The following NTM variants were observed in gnomAD, a reference collection of about 807,000 sequenced individuals.
The protein encoded by NTM is neurotrimin.
NTM carries 13 observed loss-of-function variants against 42.1 expected under a neutral mutation model. The observed-to-expected ratio is 0.31, with a 90% CI of 0.20 to 0.49. The LOEUF (loss-of-function observed/expected upper bound fraction) is 0.49. NTM is among the 20% of genes least tolerant of loss of function. NTM has a pLI of 0.99. For missense variants in NTM, 373 were observed against 452.8 expected, an observed-to-expected ratio of 0.82 and a Z score of 1.60; for synonymous variants, 187 against 179.2, an observed-to-expected ratio of 1.04 and a Z score of -0.35.
chr11:131,992,644 G>A (rs1381935190), intron 2 of NTM, among the ~76,000 whole-genome samples: 1 of 152,122 alleles, frequency 6.6e-6, no homozygotes, highest in Admixed American at 6.6e-5. Context: ...GAACACAGAA[G>A]TAAGAGCATC....
rs188547163 is a variant in NTM, at chr11:131,408,309, C to T, written c.82+37421C>T. On this transcript the variant is annotated intron_variant, in intron 1 of 8. Coordinates refer to ENST00000683400, the MANE Select transcript of NTM (RefSeq NM_001352005.2). ...CCCTATCCTGCCTGTAAGAAGCTTA[C>T]GTAAGTTAGAAAGTGGAAGTACTAT... 2.4e-4 allele frequency among the ~76,000 whole-genome samples: 36 copies of T among 152,216 alleles called. 1 individual carries two copies. Among genetic ancestry groups the T allele is most frequent in the Admixed American group, 8.5e-4 (13 of 15,300 alleles).
At chr11:131,685,858 A>G (rs953502467) in intron 1 of NTM, among the ~76,000 whole-genome samples, 1 of 152,190 alleles carries the variant, frequency 6.6e-6, no homozygotes, top group African/African-American at 2.4e-5. Context: ...AAGACACTCA[A>G]TATATAAGTT....
Position 131,834,550 on chromosome 11 carries a change from A to C in NTM, c.83-77014A>C, listed in dbSNP as rs915782472. 2.7e-5 allele frequency among the ~76,000 whole-genome samples: 4 copies of C among 150,010 alleles called. No homozygotes were observed. The East Asian group carries it at 5.9e-4, about 22-fold the overall frequency. ...CCTGTCACCTTCATCATCACCCCCA[A>C]TGCCATCATAATAATCATCATCATC... On this transcript the variant is annotated intron_variant, in intron 1 of 8. Coordinates refer to ENST00000683400, the MANE Select transcript of NTM (RefSeq NM_001352005.2).
intron 3 of NTM, among the ~76,000 whole-genome samples, chr11:132,188,764 G>A (rs533099775): frequency 6.6e-6 from 1 of 152,162 alleles, no homozygotes; most frequent in African/African-American, 2.4e-5. Flanking sequence ...ATCTCAGCAG[G>A]GGCCTGTGTC....
intron 2 of NTM, among the ~76,000 whole-genome samples, chr11:132,052,246 C>A (rs2078953829): frequency 6.6e-6 from 1 of 152,154 alleles, no homozygotes; most frequent in Admixed American, 6.5e-5. Context: ...ACAATTTCAC[C>A]AGGAATAACT....
chr11:131,920,444 T>C (rs1308998227), intron 2 of NTM, among the ~76,000 whole-genome samples: 2 of 152,228 alleles, frequency 1.3e-5, no homozygotes, highest in Non-Finnish European at 2.9e-5. Flanking sequence ...CATCTGGCAT[T>C]AGAAACTGAT....
intron 1 of NTM, among the ~76,000 whole-genome samples, chr11:131,387,029 A>G (rs376742751): frequency 6.6e-6 from 1 of 152,120 alleles, no homozygotes; most frequent in African/African-American, 2.4e-5. Context: ...CTCCACATCA[A>G]TCAGAATATC....
intron 1 of NTM, among the ~76,000 whole-genome samples, chr11:131,463,188 C>T (rs1447320074): frequency 6.6e-6 from 1 of 152,218 alleles, no homozygotes; most frequent in Non-Finnish European, 1.5e-5. Flanking sequence ...CCTCCTGTCC[C>T]ATGGTGGAAA....
At chr11:131,687,705 G>T (rs1332856247) in intron 1 of NTM, among the ~76,000 whole-genome samples, 1 of 152,194 alleles carries the variant, frequency 6.6e-6, no homozygotes, top group Non-Finnish European at 1.5e-5. Flanking sequence ...GCTCCTCAAA[G>T]AACAAAACCA....
rs150374727 is a variant in NTM at position 131,398,275 on chromosome 11, A to G, written c.82+27387A>G. 7.9e-5 allele frequency among the ~76,000 whole-genome samples: 12 copies of G among 152,316 alleles called. No homozygotes were observed. The East Asian group carries it at 1.9e-3, about 24-fold the overall frequency. ...GGAAAACACTTAACCCAACATTCTC[A>G]GTTGATTATTATTGATGTATTTTGT... On this transcript the variant is annotated intron_variant, in intron 1 of 8. Transcript: ENST00000683400.
At chr11:132,090,742 A>G (rs527941413) in intron 2 of NTM, among the ~76,000 whole-genome samples, 22 of 152,252 alleles carry the variant, frequency 1.4e-4, no homozygotes, top group African/African-American at 4.8e-4. Context: ...GGCTTCATCT[A>G]TCACTGTCAG....
At chr11:132,019,691 G>C (rs542317206) in intron 2 of NTM, among the ~76,000 whole-genome samples, 1 of 151,926 alleles carries the variant, frequency 6.6e-6, no homozygotes, top group Admixed American at 6.6e-5. Context: ...TATTCATCCT[G>C]TTACTTTTAA....
At chr11:132,055,933 G>A (rs78530047) in intron 2 of NTM, among the ~76,000 whole-genome samples, 1,917 of 152,332 alleles carry the variant, frequency 0.013, 45 homozygotes, top group African/African-American at 0.044. Flanking sequence ...GCACTCAGAA[G>A]CTGCTGGATA....
intron 2 of NTM, among the ~76,000 whole-genome samples, chr11:132,055,980 T>G (rs2079594044): frequency 6.6e-6 from 1 of 152,232 alleles, no homozygotes; most frequent in Non-Finnish European, 1.5e-5. Context: ...GTTAGAATAT[T>G]CCAAGTTTTC....
chr11:131,504,708 A>G (rs2047268092), intron 1 of NTM, among the ~76,000 whole-genome samples: 1 of 152,056 alleles, frequency 6.6e-6, no homozygotes, highest in African/African-American at 2.4e-5. Context: ...TCTGGGTGTC[A>G]GCGTGCCCTC....
At chr11:131,571,632 G>A (rs1410437470) in intron 1 of NTM, among the ~76,000 whole-genome samples, 1 of 152,194 alleles carries the variant, frequency 6.6e-6, no homozygotes, top group African/African-American at 2.4e-5. Flanking sequence ...ATGCTGAGCT[G>A]GAAAAACGTT....
At chr11:131,621,017 A>G (rs2062474458) in intron 1 of NTM, among the ~76,000 whole-genome samples, 1 of 152,218 alleles carries the variant, frequency 6.6e-6, no homozygotes, top group South Asian at 2.1e-4. Context: ...TGCCAGACAC[A>G]AAGCTTGTAA....
intron 1 of NTM, among the ~76,000 whole-genome samples, chr11:131,631,594 C>T (rs2063664659): frequency 6.6e-6 from 1 of 152,196 alleles, no homozygotes; most frequent in Non-Finnish European, 1.5e-5. Flanking sequence ...GTACTTCCTC[C>T]CACGTTCCCA....
chr11:131,397,190 TCA>T (rs1944660051), intron 1 of NTM, among the ~76,000 whole-genome samples: 1 of 152,200 alleles, frequency 6.6e-6, no homozygotes, highest in African/African-American at 2.4e-5. Flanking sequence ...CATTTTTGAC[TCA>T]CTGTCTCATT....
Sources: gnomAD v4.1 joint callset for allele counts (sites outside exome capture counted in the v4.1 genomes callset) on GRCh38, gnomAD v4.1.1 for gene constraint, MANE v1.5 for transcripts, NCBI Gene and HGNC (gene_info 2026-07-23, HGNC 2026-07-21) for gene names.